The following BCL3 variants were observed in gnomAD, a reference collection of about 807,000 sequenced individuals.
The protein encoded by BCL3 is BCL3 transcription coactivator.
BCL3 carries 15 observed loss-of-function variants against 35.7 expected under a neutral mutation model. The observed-to-expected ratio is 0.42, with a 90% confidence interval of 0.28 to 0.65. The LOEUF (loss-of-function observed/expected upper bound fraction) is 0.65. Ranked by LOEUF, BCL3 falls within the 30% of genes least tolerant of loss-of-function variation. The probability of loss-of-function intolerance (pLI) is 0.22; values close to 1 mark genes in which losing one functional copy is unlikely to be tolerated. For synonymous variants in BCL3, 311 were observed against 284.3 expected, an observed-to-expected ratio of 1.09 and a Z score of -0.95; for missense variants, 565 against 641.7, an observed-to-expected ratio of 0.88 and a Z score of 1.29.
rs1181328530 is a variant in BCL3 at position 44,756,238 on chromosome 19, C to T, written c.417C>T (p.Leu139=). ...TRADEDGDTP[L]HIAVVQGNLP... Reference sequence around the variant, plus strand: ...TTCACTCCCCCACCCCCAGGCCTCTCCATATTGCTGTGGTGCAGGGTAACC... The same window carrying T: ...TTCACTCCCCCACCCCCAGGCCTCTTCATATTGCTGTGGTGCAGGGTAACC... Residue 139 remains leucine, a synonymous_variant, in exon 3 of 9, where the codon CTC becomes CTT. Coordinates refer to ENST00000164227, the MANE Select transcript of BCL3 (RefSeq NM_005178.5). 6.6e-7 allele frequency: 1 copy of T among 1,511,536 alleles called. No individual in the cohort carries two copies. The highest frequency in any genetic ancestry group is 8.9e-7 in the Non-Finnish European group (1 of 1,124,284). 93.6% of individuals were successfully genotyped at this position (1,511,536 alleles called of 1,614,324 possible).
chr19:44,749,034 C>G lies in BCL3; in HGVS notation c.244C>G (p.Leu82Val), dbSNP rs373183384. 20 of 1,352,962 alleles carry G rather than the reference C, an allele frequency of 1.5e-5. No individual in the cohort carries two copies. Among genetic ancestry groups the G allele is most frequent in the Middle Eastern group, 2.6e-4 (1 of 3,826 alleles). The allele number at this position is 1,352,962 out of a possible 1,614,324, so 83.8% of individuals were successfully genotyped here. A position where few individuals can be genotyped will look rare whatever the true frequency, so the allele number is the denominator to read the frequency against. The change falls in exon 1 of 9, where the codon CTT becomes GTT. Residue 82 changes from leucine (L) to valine (V), a missense_variant. Physicochemically the swap from Leu to Val is conservative, Grantham distance 32. Coordinates refer to ENST00000164227, the MANE Select transcript of BCL3 (RefSeq NM_005178.5). ...CCACGGCCTGGCCCGGCCGGAGGCGCTTTACTACCCCGGTGAGTGGCCCCC... is the reference window on the plus strand; with the variant it reads ...CCACGGCCTGGCCCGGCCGGAGGCGGTTTACTACCCCGGTGAGTGGCCCCC... ...PPHGLARPEA[L>V]YYPGALLPLY...
In BCL3 at chr19:44,759,590, C is replaced by G. The variant is rs369712125; in HGVS notation, c.1340C>G (p.Pro447Arg). Residue 447 changes from proline to arginine, a missense_variant, in exon 9 of 9, where the codon CCC becomes CGC. By Grantham distance (103) the Pro-to-Arg change is moderately radical (BLOSUM62 -2). This residue lies in a region of BCL3 where 151 missense variants were observed against 138.1 expected (regional missense o/e 1.09). Transcript: ENST00000164227. ...VLRGPGRPVP[P>R]SPAPGGS Reference sequence around the variant, plus strand: ...CGAGGCCCTGGCCGGCCGGTGCCCCCCTCCCCAGCTCCAGGAGGCAGCTGA... The same window carrying G: ...CGAGGCCCTGGCCGGCCGGTGCCCCGCTCCCCAGCTCCAGGAGGCAGCTGA... The G allele has an allele frequency of 3.1e-6, 5 of 1,607,838 alleles. No individual in the cohort carries two copies. Among genetic ancestry groups the G allele is most frequent in the East Asian group, 4.5e-5 (2 of 44,546 alleles).
intron 2 of BCL3, 100 bp downstream of exon 2, chr19:44,751,480 G>A: frequency 7.8e-7 from 1 of 1,276,746 alleles, no homozygotes; most frequent in Non-Finnish European, 1.0e-6. Flanking sequence ...TCAGAACTCG[G>A]TCTCCACCAC....
chr19:44,749,027 G>A lies in BCL3; in HGVS notation c.237G>A (p.Pro79=), dbSNP rs1353186759. Residue 79 remains proline, a synonymous_variant, in exon 1 of 9, where the codon CCG becomes CCA. Transcript: ENST00000164227. ...VPGPPHGLAR[P]EALYYPGALL... is the part of the protein sequence containing the mutation. ...GGCCCCCCCACGGCCTGGCCCGGCC[G>A]GAGGCGCTTTACTACCCCGGTGAGT... 1 of 1,360,088 alleles carries A rather than the reference G, an allele frequency of 7.4e-7. No individual in the cohort carries two copies. The highest frequency in any genetic ancestry group is 9.4e-7 in the Non-Finnish European group (1 of 1,058,654). 84.3% of individuals were successfully genotyped at this position (1,360,088 alleles called of 1,614,324 possible).
In BCL3 at chr19:44,759,639, G is replaced by T. The variant is rs1967385960; in HGVS notation, c.*24G>T. ...GAGGGGGATGGGGGGGCAGATCTTG[G>T]ACTCATGAGGAGGGGCCCCCCTGCC... On this transcript the variant is annotated 3_prime_UTR_variant, in exon 9 of 9. Transcript: ENST00000164227. The T allele has an allele frequency of 6.3e-7, 1 of 1,574,828 alleles. No homozygotes were observed. Among genetic ancestry groups the T allele is most frequent in the Non-Finnish European group, 8.6e-7 (1 of 1,166,222 alleles).
At chr19:44,753,833 G>GA (rs1397572987) in intron 2 of BCL3, among the ~76,000 whole-genome samples, 1 of 138,972 alleles carries the variant, frequency 7.2e-6, no homozygotes, top group Non-Finnish European at 1.6e-5. Flanking sequence ...GGGGGCGGGG[G>GA]GGGGGGGTGA....
chr19:44,749,077 G>A (rs1305252582), intron 1 of BCL3, 31 bp downstream of exon 1: 2 of 1,224,176 alleles, frequency 1.6e-6, no homozygotes, highest in South Asian at 2.0e-5. Flanking sequence ...CGGGCCGGGT[G>A]GGATCCACAC....
Position 44,757,550 on chromosome 19 carries a change from G to A in BCL3, c.814-96G>A. On this transcript the variant is annotated intron_variant, in intron 5 of 8. Transcript: ENST00000164227. The surrounding 1 kb of genome is among the most constrained non-coding windows in gnomAD (Gnocchi z 8.4). ...GGCTTGGAGTATCAGACCCAAGAGAGAGGCTGGACCCCGCGAATGGGATGT... is the reference window on the plus strand; with the variant it reads ...GGCTTGGAGTATCAGACCCAAGAGAAAGGCTGGACCCCGCGAATGGGATGT... 1.3e-6 allele frequency: 2 copies of A among 1,538,626 alleles called. No individual in the cohort carries two copies. Among genetic ancestry groups the A allele is most frequent in the Admixed American group, 3.4e-5 (2 of 58,804 alleles).
intron 8 of BCL3, 34 bp downstream of exon 8, chr19:44,758,875 C>A (rs1254316369): frequency 6.6e-7 from 1 of 1,509,552 alleles, no homozygotes; most frequent in East Asian, 2.4e-5. Context: ...AGCCCTGGCG[C>A]CTCCTCCCTC....
rs527504186 is a variant in BCL3, at chr19:44,751,369, G to A, written c.399G>A (p.Glu133=). Residue 133 remains glutamate, a synonymous_variant, in exon 2 of 9, where the codon GAG becomes GAA. Coordinates refer to ENST00000164227, the MANE Select transcript of BCL3 (RefSeq NM_005178.5). ...TCGCCATGGCCACCCGTGCAGATGA[G>A]GACGGAGACACGTGAGTGACAGTCC... ...ADIAMATRAD[E]DGDTPLHIAV... The A allele has an allele frequency of 2.7e-5, 42 of 1,584,516 alleles. No individual in the cohort carries two copies. The East Asian group carries it at 8.6e-4, about 33-fold the overall frequency.
At chr19:44,751,167 G>A (rs923783560) in intron 1 of BCL3, 60 bp from the exon 2 acceptor site, 16 of 1,550,700 alleles carry the variant, frequency 1.0e-5, no homozygotes, top group Admixed American at 2.3e-5. Flanking sequence ...AGTGGGGGGC[G>A]GGTTGAGGGT....
At chr19:44,754,579 C>T (rs956825427) in intron 2 of BCL3, among the ~76,000 whole-genome samples, 8 of 152,126 alleles carry the variant, frequency 5.3e-5, no homozygotes, top group Non-Finnish European at 7.4e-5. Flanking sequence ...CCCTGCGGCC[C>T]GCGCGTTTAT....
rs767139194 is a variant in BCL3 at position 44,748,994 on chromosome 19, G to C, written c.204G>C (p.Ala68=). ...DPLRGGCDLP[A]VPGPPHGLAR... is the part of the protein sequence containing the mutation. ...TGCGCGGCGGCTGCGACCTGCCGGCGGTCCCCGGGCCCCCCCACGGCCTGG... is the reference window on the plus strand; with the variant it reads ...TGCGCGGCGGCTGCGACCTGCCGGCCGTCCCCGGGCCCCCCCACGGCCTGG... Residue 68 remains alanine (A), a synonymous_variant, in exon 1 of 9, where the codon GCG becomes GCC. Transcript: ENST00000164227. 1 of 1,384,752 alleles carries C rather than the reference G, an allele frequency of 7.2e-7. No individual in the cohort carries two copies. The highest frequency in any genetic ancestry group is 9.4e-7 in the Non-Finnish European group (1 of 1,067,690). 85.8% of individuals were successfully genotyped at this position (1,384,752 alleles called of 1,614,324 possible).
chr19:44,758,435 C>G, intron 7 of BCL3, 22 bp downstream of exon 7: 1 of 1,535,402 alleles, frequency 6.5e-7, no homozygotes. Flanking sequence ...CAGCTGTGGA[C>G]ATGCCCCTTG....
chr19:44,753,216 A>G (rs1599839620), intron 2 of BCL3, among the ~76,000 whole-genome samples: 1 of 152,200 alleles, frequency 6.6e-6, no homozygotes, highest in African/African-American at 2.4e-5. Flanking sequence ...TAGATTATAA[A>G]GAGCTAATAA....
Position 44,757,373 on chromosome 19 carries a change from C to T in BCL3, c.771C>T (p.Thr257=), listed in dbSNP as rs141532829. 136 of 1,606,044 alleles carry T rather than the reference C, an allele frequency of 8.5e-5. No homozygotes were observed. Among genetic ancestry groups the T allele is most frequent in the Non-Finnish European group, 1.1e-4 (131 of 1,176,600 alleles). ...CAGTGAACACCGAGTGCCAAGAAAC[C>T]GTGCAGCTCTTGCTAGAGCGCGGTG... ...HVAVNTECQE[T]VQLLLERGAD... is the part of the protein sequence containing the mutation. The change falls in exon 5 of 9, where the codon ACC becomes ACT. Residue 257 remains threonine (T), a synonymous_variant. Coordinates refer to ENST00000164227, the MANE Select transcript of BCL3 (RefSeq NM_005178.5). This position sits in a 1 kb window ranked among gnomAD's most constrained non-coding sequence, Gnocchi z 8.4.
rs1018935788 is a variant in BCL3 at position 44,759,641 on chromosome 19, C to T, written c.*26C>T. 2 of 1,574,110 alleles carry T rather than the reference C, an allele frequency of 1.3e-6. No individual in the cohort carries two copies. The highest frequency in any genetic ancestry group is 2.7e-5 in the African/African-American group (2 of 73,714). ...GGGGGATGGGGGGGCAGATCTTGGA[C>T]TCATGAGGAGGGGCCCCCCTGCCCT... is the stretch of plus-strand genomic sequence containing the variant. On this transcript the variant is annotated 3_prime_UTR_variant, in exon 9 of 9. Coordinates refer to ENST00000164227, the MANE Select transcript of BCL3 (RefSeq NM_005178.5).
In BCL3 at chr19:44,759,620, G is replaced by C. The variant is rs199642968; in HGVS notation, c.*5G>C. 30 of 1,600,676 alleles carry C rather than the reference G, an allele frequency of 1.9e-5. No homozygotes were observed. The highest frequency in any genetic ancestry group is 2.5e-5 in the Non-Finnish European group (30 of 1,177,126). ...CCAGCTCCAGGAGGCAGCTGAGGGG[G>C]ATGGGGGGGCAGATCTTGGACTCAT... On this transcript the variant is annotated 3_prime_UTR_variant, in exon 9 of 9. Coordinates refer to ENST00000164227, the MANE Select transcript of BCL3 (RefSeq NM_005178.5).
At chr19:44,753,065 T>C (rs1967211851) in intron 2 of BCL3, among the ~76,000 whole-genome samples, 1 of 152,164 alleles carries the variant, frequency 6.6e-6, no homozygotes, top group Middle Eastern at 3.2e-3. Flanking sequence ...CAGTGAGATC[T>C]TGTACACATG....
Sources: gnomAD v4.1 joint callset for allele counts (sites outside exome capture counted in the v4.1 genomes callset) on GRCh38, gnomAD v4.1.1 for gene constraint, gnomAD v4.1.1 regional missense constraint, Gnocchi (gnomAD v3.1) non-coding constraint, MANE v1.5 for transcripts, NCBI Gene and HGNC (gene_info 2026-07-23, HGNC 2026-07-21) for gene names.